The following ROBO1 variants were observed in gnomAD, a reference collection of about 807,000 sequenced individuals.
ROBO1 encodes roundabout guidance receptor 1, also known as roundabout homolog 1.
ROBO1 carries 149 observed loss-of-function variants against 195.9 expected under a neutral mutation model. That is an observed-to-expected ratio of 0.76 (90% CI 0.67 to 0.87). The LOEUF is 0.87. ROBO1 is among the 40% of genes least tolerant of loss of function. ROBO1 has a pLI of 0.00. For synonymous variants in ROBO1, 816 were observed against 733.2 expected, an observed-to-expected ratio of 1.11 and a Z score of -1.82; for missense variants, 1,933 against 2,068.3, an observed-to-expected ratio of 0.93 and a Z score of 1.27.
intron 2 of ROBO1, among the ~76,000 whole-genome samples, chr3:79,151,679 A>T (rs1169437424): frequency 6.6e-6 from 1 of 151,828 alleles, no homozygotes; most frequent in Non-Finnish European, 1.5e-5. Flanking sequence ...GGCCTGCAAC[A>T]TCTTTCACAC....
chr3:79,752,809 A>G (rs746080968), intron 1 of ROBO1, among the ~76,000 whole-genome samples: 17 of 152,178 alleles, frequency 1.1e-4, no homozygotes, highest in Non-Finnish European at 1.9e-4. Context: ...GAGATAATGA[A>G]GAAGATAAAG....
intron 2 of ROBO1, among the ~76,000 whole-genome samples, chr3:79,282,699 G>A (rs1174354657): frequency 2.0e-5 from 3 of 152,148 alleles, no homozygotes; most frequent in African/African-American, 7.2e-5. Flanking sequence ...CGCATGTTGA[G>A]TTCTTGCTCT....
At chr3:79,386,289 T>A (rs2036741883) in intron 2 of ROBO1, among the ~76,000 whole-genome samples, 1 of 152,142 alleles carries the variant, frequency 6.6e-6, no homozygotes, top group Admixed American at 6.6e-5. Context: ...TATAAGTAAT[T>A]TTTATTTTTG....
intron 3 of ROBO1, among the ~76,000 whole-genome samples, chr3:79,017,690 A>G (rs536025375): frequency 6.6e-6 from 1 of 152,174 alleles, no homozygotes; most frequent in South Asian, 2.1e-4. Flanking sequence ...AACACTTCAT[A>G]TGGAATTTCA....
At chr3:79,210,184 G>A (rs2108799997) in intron 2 of ROBO1, among the ~76,000 whole-genome samples, 1 of 152,164 alleles carries the variant, frequency 6.6e-6, no homozygotes, top group East Asian at 1.9e-4. Flanking sequence ...AAATTCATAT[G>A]GAACCACGGA....
chr3:78,824,725 A>G (rs1267084264), intron 4 of ROBO1, among the ~76,000 whole-genome samples: 1 of 152,230 alleles, frequency 6.6e-6, no homozygotes, highest in Non-Finnish European at 1.5e-5. Flanking sequence ...AATAGGGATA[A>G]TAATAACCCT....
intron 3 of ROBO1, among the ~76,000 whole-genome samples, chr3:79,020,679 G>C (rs2078082000): frequency 6.6e-6 from 1 of 152,202 alleles, no homozygotes; most frequent in Non-Finnish European, 1.5e-5. Context: ...GGGCGACAGA[G>C]CGAGACTCCG....
chr3:78,826,178 T>C (rs908163576), intron 4 of ROBO1, among the ~76,000 whole-genome samples: 9 of 152,288 alleles, frequency 5.9e-5, no homozygotes, highest in African/African-American at 1.7e-4. Flanking sequence ...GCTTCAGTAA[T>C]AGATTCAGAA....
At chr3:78,917,648 T>C (rs2038691185) in intron 4 of ROBO1, among the ~76,000 whole-genome samples, 1 of 152,158 alleles carries the variant, frequency 6.6e-6, no homozygotes, top group African/African-American at 2.4e-5. Flanking sequence ...GAACTAAAAC[T>C]GCAGTGTCAA....
rs569483409 is a variant in ROBO1, at chr3:79,205,245, C to T, written c.89-79706G>A. Among the ~76,000 whole-genome samples, 6 of 152,228 alleles carry T rather than the reference C, an allele frequency of 3.9e-5. 1 individual carries two copies. In the South Asian group the frequency reaches 1.0e-3, roughly 26 times the overall value. On this transcript the variant is annotated intron_variant, in intron 2 of 30. Transcript: ENST00000464233. ...CTGTCCTCAAGTGATCTGCCTTCCT[C>T]GGCCTCCCAAAGTGCTAGGACTACA...
intron 4 of ROBO1, chr3:78,937,962 T>A (rs931595078): frequency 1.3e-5 from 2 of 151,224 alleles, no homozygotes; most frequent in African/African-American, 4.9e-5. Context: ...CAAATTCTCA[T>A]ATGTAGCTAT....
At chr3:79,392,901 T>C (rs907452587) in intron 2 of ROBO1, among the ~76,000 whole-genome samples, 4 of 152,300 alleles carry the variant, frequency 2.6e-5, no homozygotes, top group Non-Finnish European at 4.4e-5. Context: ...ATTAAATGAG[T>C]TGCCCAAGGT....
In ROBO1 at chr3:78,651,807, C is replaced by T; in HGVS notation, c.2737G>A (p.Val913Ile). 6.2e-7 allele frequency: 1 copy of T among 1,613,718 alleles called. No individual in the cohort carries two copies. The highest frequency in any genetic ancestry group is 1.1e-5 in the South Asian group (1 of 91,070). The stretch of plus-strand genomic sequence containing the variant: ...TGTCGATAAAGCCAGATGCTGAAGA[C>T]CATGAGGATGATCCAACAGGCTGCT... ...IGAACWIILM[V>I]FSIWLYRHRK... The change falls in exon 19 of 31, where the codon GTC becomes ATC. Residue 913 changes from valine to isoleucine, a missense_variant. Val to Ile is a conservative substitution (Grantham distance 29, BLOSUM62 3). Coordinates refer to ENST00000464233, the MANE Select transcript of ROBO1 (RefSeq NM_002941.4).
At chr3:79,276,193 G>A (rs1374205509) in intron 2 of ROBO1, among the ~76,000 whole-genome samples, 1 of 151,864 alleles carries the variant, frequency 6.6e-6, no homozygotes, top group East Asian at 1.9e-4. Flanking sequence ...GAACAAAACT[G>A]GAGAAATCAC....
intron 1 of ROBO1, among the ~76,000 whole-genome samples, chr3:79,657,639 T>C (rs1422794285): frequency 1.3e-5 from 2 of 152,104 alleles, no homozygotes; most frequent in Non-Finnish European, 2.9e-5. Context: ...ATATTTATTA[T>C]ATGTATTAGA....
chr3:79,028,744 A>C (rs2078244720), intron 3 of ROBO1, among the ~76,000 whole-genome samples: 1 of 152,018 alleles, frequency 6.6e-6, no homozygotes, highest in South Asian at 2.1e-4. Context: ...ACCGTGAGAC[A>C]AATATTAACA....
At chr3:79,291,521 G>A (rs1419287571) in intron 2 of ROBO1, among the ~76,000 whole-genome samples, 2 of 152,088 alleles carry the variant, frequency 1.3e-5, no homozygotes, top group African/African-American at 4.8e-5. Context: ...TCAACACAGT[G>A]TTATAACGCT....
chr3:79,019,231 G>T, intron 3 of ROBO1: 1 of 985,992 alleles, frequency 1.0e-6, no homozygotes, highest in Non-Finnish European at 1.2e-6. Context: ...GCGCTCGCAG[G>T]CACCCCTAAA....
intron 2 of ROBO1, among the ~76,000 whole-genome samples, chr3:79,547,184 C>CA (rs1162585941): frequency 0.49 from 11,365 of 23,174 alleles, 4,432 homozygotes; most frequent in Non-Finnish European, 0.62. Context: ...GACTCCGCCT[C>CA]AAAAAAAAAA....
Sources: allele counts gnomAD v4.1 joint callset (sites outside exome capture counted in the v4.1 genomes callset), GRCh38; gene constraint gnomAD v4.1.1; transcripts MANE v1.5; gene names NCBI Gene and HGNC (gene_info 2026-07-23, HGNC 2026-07-21).